ARB2A: variants seen among roughly 807,000 people sequenced by gnomAD.
The protein encoded by ARB2A is ARB2 cotranscriptional regulator A.
the ARB2A span, among the ~76,000 whole-genome samples, chr5:93,929,603 T>C: frequency 3.3e-5 from 5 of 152,106 alleles, no homozygotes; most frequent in African/African-American, 1.2e-4. Context: ...TAAAATTTCA[T>C]TTTTCTTACA....
At chr5:94,004,857 T>C in the ARB2A span, among the ~76,000 whole-genome samples, 3 of 151,564 alleles carry the variant, frequency 2.0e-5, no homozygotes, top group South Asian at 2.1e-4. Flanking sequence ...TTCTTACACA[T>C]TGAACTCAGC....
At chr5:93,728,851 TC>T in the ARB2A span, among the ~76,000 whole-genome samples, 6 of 152,120 alleles carry the variant, frequency 3.9e-5, no homozygotes, top group Admixed American at 3.9e-4. Flanking sequence ...AAATAAATGA[TC>T]TATTGTGTTG....
At chr5:94,038,670 A>T in the ARB2A span, among the ~76,000 whole-genome samples, 4 of 152,136 alleles carry the variant, frequency 2.6e-5, no homozygotes, top group Admixed American at 2.6e-4. Context: ...CAGGAGCAAG[A>T]CTTAAAAACA....
At chr5:93,771,181 C>T in the ARB2A span, among the ~76,000 whole-genome samples, 2 of 151,370 alleles carry the variant, frequency 1.3e-5, no homozygotes, top group East Asian at 3.9e-4. Flanking sequence ...CTTTGACAAA[C>T]CTGAGAAAAA....
chr5:94,040,654 G>A, the ARB2A span, among the ~76,000 whole-genome samples: 1 of 152,048 alleles, frequency 6.6e-6, no homozygotes. Flanking sequence ...ACTGCAATGG[G>A]TGGGTCTTTC....
chr5:93,784,399 C>T, the ARB2A span: 6 of 1,613,006 alleles, frequency 3.7e-6, no homozygotes, highest in African/African-American at 1.3e-5. Context: ...CATCCATTCT[C>T]GAATCGTTTT....
chr5:94,073,873 G>C, the ARB2A span, among the ~76,000 whole-genome samples: 2 of 152,096 alleles, frequency 1.3e-5, no homozygotes, highest in East Asian at 3.9e-4. Flanking sequence ...CTTTGTGAAG[G>C]TCAAATGACC....
At chr5:94,106,983 AG>A in the ARB2A span, among the ~76,000 whole-genome samples, 22 of 151,960 alleles carry the variant, frequency 1.4e-4, no homozygotes, top group Non-Finnish European at 2.6e-4. Context: ...GGTCTACTTC[AG>A]GGTGGAGGTT....
chr5:93,761,015 T>TAA, the ARB2A span, among the ~76,000 whole-genome samples: 1 of 152,174 alleles, frequency 6.6e-6, no homozygotes, highest in South Asian at 2.1e-4. Flanking sequence ...GACAAAGGAC[T>TAA]AATATCTAGA....
chr5:93,766,842 T>C, the ARB2A span, among the ~76,000 whole-genome samples: 2 of 152,122 alleles, frequency 1.3e-5, no homozygotes, highest in Admixed American at 6.5e-5. Context: ...ATATACACCA[T>C]GGAATACCAT....
the ARB2A span, among the ~76,000 whole-genome samples, chr5:94,004,664 C>T: frequency 6.6e-6 from 1 of 151,672 alleles, no homozygotes; most frequent in Non-Finnish European, 1.5e-5. Flanking sequence ...GGAGAATACA[C>T]AATCAATTCT....
chr5:93,921,632 A>C, the ARB2A span, among the ~76,000 whole-genome samples: 14 of 152,232 alleles, frequency 9.2e-5, no homozygotes, highest in Non-Finnish European at 1.9e-4. Context: ...TAAGGAAGAG[A>C]AGTGAGCACC....
At chr5:93,867,099 G>T in the ARB2A span, among the ~76,000 whole-genome samples, 1 of 152,162 alleles carries the variant, frequency 6.6e-6, no homozygotes, top group East Asian at 1.9e-4. Context: ...TTACTTATCA[G>T]TGTAAAATCT....
At chr5:94,020,287 G>T in the ARB2A span, among the ~76,000 whole-genome samples, 1 of 151,098 alleles carries the variant, frequency 6.6e-6, no homozygotes, top group East Asian at 2.0e-4. Context: ...TGGGTAGGGG[G>T]CTGGGGAGGG....
the ARB2A span, among the ~76,000 whole-genome samples, chr5:93,847,458 A>G: frequency 9.2e-5 from 14 of 152,200 alleles, no homozygotes; most frequent in Non-Finnish European, 1.8e-4. Flanking sequence ...TTTCTCATGT[A>G]TAGCAAACAT....
the ARB2A span, among the ~76,000 whole-genome samples, chr5:93,871,097 T>C: frequency 6.6e-6 from 1 of 152,194 alleles, no homozygotes; most frequent in African/African-American, 2.4e-5. Flanking sequence ...CTGATGGTAT[T>C]TGTGGTCAAT....
chr5:93,910,207 T>C, the ARB2A span, among the ~76,000 whole-genome samples: 50 of 151,022 alleles, frequency 3.3e-4, no homozygotes, highest in African/African-American at 1.2e-3. Context: ...CATGTACTGA[T>C]ATACTTATTT....
the ARB2A span, among the ~76,000 whole-genome samples, chr5:93,747,523 A>C: frequency 6.6e-6 from 1 of 152,136 alleles, no homozygotes; most frequent in Non-Finnish European, 1.5e-5. Context: ...TAGATTAAAA[A>C]CTTCTTTCAG....
At chr5:93,844,708 C>T in the ARB2A span, among the ~76,000 whole-genome samples, 1 of 152,112 alleles carries the variant, frequency 6.6e-6, no homozygotes, top group African/African-American at 2.4e-5. Context: ...GACAGCTGGA[C>T]ACCACATACA....
Sources: allele counts gnomAD v4.1 joint callset (sites outside exome capture counted in the v4.1 genomes callset), GRCh38; gene constraint gnomAD v4.1.1; transcripts MANE v1.5; gene names NCBI Gene and HGNC (gene_info 2026-07-23, HGNC 2026-07-21).